The following ANKRD22 variants were observed in gnomAD, a reference collection of about 807,000 sequenced individuals.
The protein encoded by ANKRD22 is ankyrin repeat domain 22, also known as ankyrin repeat domain-containing protein 22.
Under a neutral mutation model 25.7 loss-of-function variants are expected in ANKRD22, and 24 were observed. The ratio of observed to expected loss-of-function variants is 0.93; its 90% CI spans 0.68 to 1.31. ANKRD22 has a LOEUF of 1.31. ANKRD22 is among the 50% of genes most tolerant of loss of function. The pLI is 0.00. For synonymous variants in ANKRD22, 84 were observed against 84.3 expected (o/e 1.00, Z 0.02); for missense variants, 214 against 227.1 (o/e 0.94, Z 0.37).
intron 1 of ANKRD22, among the ~76,000 whole-genome samples, chr10:88,840,137 C>T (rs1843991108): frequency 3.3e-5 from 5 of 152,092 alleles, no homozygotes; most frequent in Non-Finnish European, 7.4e-5. Context: ...TGTCCTTTTG[C>T]CTTCCCACAT....
chr10:88,823,119 G>C, intron 5 of ANKRD22, 101 bp from the exon 6 acceptor site: 1 of 1,304,720 alleles, frequency 7.7e-7, no homozygotes, highest in South Asian at 1.2e-5. Flanking sequence ...GCTTTAAAAG[G>C]CAATCAGTCC....
Position 88,823,058 on chromosome 10 carries a change from C to T in ANKRD22, c.499-40G>A, listed in dbSNP as rs749081882. 2.5e-6 allele frequency: 4 copies of T among 1,579,668 alleles called. No individual in the cohort carries two copies. The South Asian group carries it at 4.4e-5, about 18-fold the overall frequency. ...ATATACAGTTATTTCCAATAGAGTGCCCAAGATCTCGTACGTAGCTTAGAC... is the reference window on the plus strand; with the variant it reads ...ATATACAGTTATTTCCAATAGAGTGTCCAAGATCTCGTACGTAGCTTAGAC... On this transcript the variant is annotated intron_variant, in intron 5 of 5. Coordinates refer to ENST00000371930, the MANE Select transcript of ANKRD22 (RefSeq NM_144590.3).
At chr10:88,835,869 G>A (rs551354467) in intron 1 of ANKRD22, among the ~76,000 whole-genome samples, 2 of 152,216 alleles carry the variant, frequency 1.3e-5, no homozygotes, top group South Asian at 2.1e-4. Flanking sequence ...AGAAAGTGCT[G>A]GTTCACAAGC....
chr10:88,821,528 GT>G lies in ANKRD22; in HGVS notation c.*1412del, dbSNP rs1292678068. Among the ~76,000 whole-genome samples the G allele has an allele frequency of 2.0e-5, 3 of 152,176 alleles. No homozygotes were observed. Among genetic ancestry groups the G allele is most frequent in the Non-Finnish European group, 2.9e-5 (2 of 68,034 alleles). ...TGGTGTGTGAAATTCACTTGTGTGGGTTTTTTGTCCCCAAGGGTCACCTGGT... is the reference window on the plus strand; with the variant it reads ...TGGTGTGTGAAATTCACTTGTGTGGGTTTTTGTCCCCAAGGGTCACCTGGT... On this transcript the variant is annotated 3_prime_UTR_variant, in exon 6 of 6. Transcript: ENST00000371930.
At chr10:88,835,212 C>G (rs1342645165) in intron 1 of ANKRD22, among the ~76,000 whole-genome samples, 1 of 152,152 alleles carries the variant, frequency 6.6e-6, no homozygotes, top group African/African-American at 2.4e-5. Context: ...GCAAGAGTCA[C>G]TCAGTGCTTT....
chr10:88,847,156 A>G (rs78780392), intron 1 of ANKRD22, among the ~76,000 whole-genome samples: 4,048 of 152,180 alleles, frequency 0.027, 121 homozygotes, highest in East Asian at 0.17. Flanking sequence ...GCTTTGTGGA[A>G]TGTTTTTTTA....
At chr10:88,825,749 T>C (rs567435525) in intron 4 of ANKRD22, among the ~76,000 whole-genome samples, 1 of 152,348 alleles carries the variant, frequency 6.6e-6, no homozygotes, top group South Asian at 2.1e-4. Flanking sequence ...TCTTAACTAT[T>C]ATGGCTGGTA....
At chr10:88,838,648 G>A (rs1843977442) in intron 1 of ANKRD22, among the ~76,000 whole-genome samples, 1 of 152,036 alleles carries the variant, frequency 6.6e-6, no homozygotes, top group African/African-American at 2.4e-5. Flanking sequence ...TGACCCCGGG[G>A]GACAGAAAGA....
chr10:88,833,417 T>C (rs968052685), intron 1 of ANKRD22, among the ~76,000 whole-genome samples: 1 of 152,164 alleles, frequency 6.6e-6, no homozygotes, highest in African/African-American at 2.4e-5. Flanking sequence ...ATCTTATCCA[T>C]GTAAAATGTA....
At position 88,823,827 on chromosome 10, in the gene ANKRD22, CAAA is replaced by C. The variant is rs56194758; in HGVS notation, c.400-452_400-450del. Among the ~76,000 whole-genome samples, 261 of 103,760 alleles carry C rather than the reference CAAA, an allele frequency of 2.5e-3. 5 individuals are homozygous for C. Among genetic ancestry groups the C allele is most frequent in the African/African-American group, 9.8e-3 (227 of 23,282 alleles). 68.1% of individuals were successfully genotyped at this position (103,760 alleles called of 152,430 possible). A position where few individuals can be genotyped will look rare whatever the true frequency, so the allele number is the denominator to read the frequency against. On this transcript the variant is annotated intron_variant, in intron 4 of 5. Transcript: ENST00000371930. Reference sequence around the variant, plus strand: ...TGGGCGACAGAGCGAGACTCCGTCTCAAAAAAAAAAAAAAAAAAATTTCTTCTC... The same window carrying C: ...TGGGCGACAGAGCGAGACTCCGTCTCAAAAAAAAAAAAAAAATTTCTTCTC...
intron 4 of ANKRD22, among the ~76,000 whole-genome samples, chr10:88,825,405 C>A (rs187657102): frequency 6.6e-4 from 101 of 152,318 alleles, no homozygotes; most frequent in Non-Finnish European, 1.2e-3. Flanking sequence ...AAGAAGTGAG[C>A]GGATGCTGCT....
intron 2 of ANKRD22, among the ~76,000 whole-genome samples, chr10:88,831,290 T>C (rs1229330379): frequency 6.6e-6 from 1 of 152,258 alleles, no homozygotes; most frequent in Non-Finnish European, 1.5e-5. Context: ...TAATATTGCA[T>C]CTTTAAATAT....
chr10:88,823,550 G>A (rs1268358941), intron 4 of ANKRD22, 172 bp from the exon 5 acceptor site: 11 of 566,478 alleles, frequency 1.9e-5, no homozygotes, highest in East Asian at 9.4e-5. Flanking sequence ...ATTTTTCGCC[G>A]GGCGCGGTGG....
At chr10:88,823,259 C>A in intron 5 of ANKRD22, 21 bp downstream of exon 5, 6 of 1,594,724 alleles carry the variant, frequency 3.8e-6, no homozygotes, top group Non-Finnish European at 5.2e-6. Flanking sequence ...GAACCTCAGA[C>A]CACGGTCCAC....
At chr10:88,823,100 T>C in intron 5 of ANKRD22, 82 bp from the exon 6 acceptor site, 1 of 1,415,378 alleles carries the variant, frequency 7.1e-7, no homozygotes, top group East Asian at 2.3e-5. Flanking sequence ...ACTCTCTGTG[T>C]TGGCAAGGGC....
rs906462674 is a variant in ANKRD22, at chr10:88,821,598, T to C, written c.*1343A>G. Reference sequence around the variant, plus strand: ...TGAATCTTAATTTATTAAGACACGTTTAAAGACTTCAGAATCTATATCTAC... The same window carrying C: ...TGAATCTTAATTTATTAAGACACGTCTAAAGACTTCAGAATCTATATCTAC... On this transcript the variant is annotated 3_prime_UTR_variant, in exon 6 of 6. Coordinates refer to ENST00000371930, the MANE Select transcript of ANKRD22 (RefSeq NM_144590.3). 7.2e-5 allele frequency among the ~76,000 whole-genome samples: 11 copies of C among 152,068 alleles called. No individual in the cohort carries two copies. The highest frequency in any genetic ancestry group is 2.2e-4 in the African/African-American group (9 of 41,462).
chr10:88,828,380 C>T (rs1843874078), intron 3 of ANKRD22, among the ~76,000 whole-genome samples, 179 bp downstream of exon 3: 1 of 152,182 alleles, frequency 6.6e-6, no homozygotes, highest in Non-Finnish European at 1.5e-5. Context: ...TGCTAGCTTT[C>T]TTCTTGCTGT....
At position 88,832,085 on chromosome 10, in the gene ANKRD22, C is replaced by T. The variant is rs147857930; in HGVS notation, c.22-59G>A. The T allele has an allele frequency of 3.4e-4, 505 of 1,479,954 alleles. 2 individuals carry two copies. The East Asian group carries it at 3.9e-3, about 11-fold the overall frequency. The allele number at this position is 1,479,954 out of a possible 1,614,324, so 91.7% of individuals were successfully genotyped here. A position where few individuals can be genotyped will look rare whatever the true frequency, so the allele number is the denominator to read the frequency against. ...TACTGGCATAATTAAACCACAAAAA[C>T]GAAAAAAAAGTCATAACCCAATACA... On this transcript the variant is annotated intron_variant, in intron 1 of 5. Coordinates refer to ENST00000371930, the MANE Select transcript of ANKRD22 (RefSeq NM_144590.3).
intron 1 of ANKRD22, among the ~76,000 whole-genome samples, chr10:88,851,332 A>C (rs1844102722): frequency 6.6e-6 from 1 of 152,206 alleles, no homozygotes; most frequent in African/African-American, 2.4e-5. Context: ...AAACATCCAG[A>C]TACTATGAAA....
Sources: gnomAD v4.1 joint callset for allele counts (sites outside exome capture counted in the v4.1 genomes callset) on GRCh38, gnomAD v4.1.1 for gene constraint, MANE v1.5 for transcripts, NCBI Gene and HGNC (gene_info 2026-07-23, HGNC 2026-07-21) for gene names.